ZNF341: variants seen among roughly 807,000 people sequenced by gnomAD.
The protein encoded by ZNF341 is zinc finger protein 341.
ZNF341 carries 52 observed loss-of-function variants against 87.7 expected under a neutral mutation model. That is an observed-to-expected ratio of 0.59 (90% CI 0.47 to 0.75). ZNF341 has a LOEUF of 0.75. Ranked by LOEUF, ZNF341 falls within the 30% of genes least tolerant of loss-of-function variation. ZNF341 has a pLI of 0.00. For missense variants in ZNF341, 977 were observed against 1,145.9 expected (o/e 0.85, Z 2.13); for synonymous variants, 459 against 472.7 (o/e 0.97, Z 0.38).
Position 33,791,361 on chromosome 20 carries a change from C to G in ZNF341, c.2409C>G (p.Ile803Met). The change falls in exon 15 of 15, where the codon ATC becomes ATG. Residue 803 changes from isoleucine (I) to methionine (M), a missense_variant. Transcript: ENST00000375200. ...PFAEPDAVLS[I>M]VVGGAVGAET... ...CAGAGCCGGACGCGGTGCTGTCCAT[C>G]GTTGTGGGTGGTGCGGTGGGCGCGG... 1 of 1,612,546 alleles carries G rather than the reference C, an allele frequency of 6.2e-7. No individual in the cohort carries two copies. The highest frequency in any genetic ancestry group is 8.5e-7 in the Non-Finnish European group (1 of 1,179,526).
At chr20:33,770,027 G>T in intron 9 of ZNF341, 57 bp from the exon 10 acceptor site, 6 of 1,236,206 alleles carry the variant, frequency 4.9e-6, no homozygotes, top group Non-Finnish European at 7.1e-6. Context: ...CAGGCCAGGG[G>T]CTGCAGTGGA....
chr20:33,752,391 G>A, intron 4 of ZNF341: 8 of 629,132 alleles, frequency 1.3e-5, no homozygotes, highest in Non-Finnish European at 2.5e-5. Context: ...TTCATGGCAA[G>A]TTTCCGAATC....
intron 2 of ZNF341, among the ~76,000 whole-genome samples, chr20:33,744,551 G>A (rs151067501): frequency 1.1e-3 from 160 of 152,042 alleles, no homozygotes; most frequent in African/African-American, 3.7e-3. Context: ...TAATTAATTG[G>A]TACCTGGCCA....
Position 33,791,585 on chromosome 20 carries a change from A to G in ZNF341, c.*68A>G, listed in dbSNP as rs1418471539. 2 of 1,446,002 alleles carry G rather than the reference A, an allele frequency of 1.4e-6. No homozygotes were observed. Among genetic ancestry groups the G allele is most frequent in the Middle Eastern group, 2.6e-4 (1 of 3,916 alleles). 89.6% of individuals were successfully genotyped at this position (1,446,002 alleles called of 1,614,324 possible). ...GTTTGGGTCCAGGGCCCCTGGGGGC[A>G]GACCGGTGATCCTTACCAGTGGAAG... On this transcript the variant is annotated 3_prime_UTR_variant, in exon 15 of 15. Transcript: ENST00000375200.
chr20:33,787,231 C>G (rs989854804), intron 12 of ZNF341: 1 of 148,190 alleles, frequency 6.7e-6, no homozygotes, highest in Non-Finnish European at 1.5e-5. Flanking sequence ...TTTTTTCTTT[C>G]TTTTTTTTTT....
intron 10 of ZNF341, among the ~76,000 whole-genome samples, chr20:33,770,575 G>A (rs1344529448): frequency 6.6e-6 from 1 of 152,118 alleles, no homozygotes; most frequent in Non-Finnish European, 1.5e-5. Context: ...GTTCATAGTG[G>A]GAAAAGGTTT....
intron 7 of ZNF341, 113 bp downstream of exon 7, chr20:33,758,919 C>A: frequency 1.1e-6 from 1 of 870,236 alleles, no homozygotes; most frequent in East Asian, 2.6e-5. Flanking sequence ...CCAGGCTGCA[C>A]TTGCATGTTC....
chr20:33,764,186 G>A (rs2019350544), intron 8 of ZNF341, among the ~76,000 whole-genome samples: 4 of 150,772 alleles, frequency 2.7e-5, no homozygotes, highest in South Asian at 2.1e-4. Flanking sequence ...CACCATGCCC[G>A]GCTAATTTTT....
chr20:33,766,955 A>G lies in ZNF341; in HGVS notation c.1327A>G (p.Ser443Gly), dbSNP rs768888049. ...PESKQVVLID[S>G]SYLCQFCPSK... Reference sequence around the variant, plus strand: ...GTCCAAGCAGGTGGTCCTCATCGACAGCTCCTACCTGTGCCAATTCTGCCC... The same window carrying G: ...GTCCAAGCAGGTGGTCCTCATCGACGGCTCCTACCTGTGCCAATTCTGCCC... Residue 443 changes from serine (S) to glycine (G), a missense_variant, in exon 9 of 15, where the codon AGC becomes GGC. Around this residue, in one of 3 missense-constraint regions of ZNF341, gnomAD observed 515 missense variants for 598.2 expected, o/e 0.86. Transcript: ENST00000375200. 6.2e-7 allele frequency: 1 copy of G among 1,614,212 alleles called. No individual in the cohort carries two copies. The highest frequency in any genetic ancestry group is 1.3e-5 in the African/African-American group (1 of 75,058).
At chr20:33,790,820 G>T (rs1431342684) in intron 14 of ZNF341, among the ~76,000 whole-genome samples, 168 bp from the exon 15 acceptor site, 1 of 152,228 alleles carries the variant, frequency 6.6e-6, no homozygotes, top group East Asian at 1.9e-4. Context: ...AGCGAGTGTG[G>T]CTGGCGCAGA....
intron 3 of ZNF341, 105 bp downstream of exon 3, chr20:33,745,404 C>A: frequency 8.5e-7 from 1 of 1,179,908 alleles, no homozygotes; most frequent in Non-Finnish European, 1.2e-6. Flanking sequence ...CAGACCAAGT[C>A]CCTGCCCTTG....
chr20:33,777,097 T>C (rs1045275722), intron 10 of ZNF341, among the ~76,000 whole-genome samples: 1 of 143,228 alleles, frequency 7.0e-6, no homozygotes, highest in Non-Finnish European at 1.5e-5. Context: ...ACAGATTGCT[T>C]GAGCCCAGAA....
chr20:33,785,740 G>A (rs1437778910), intron 12 of ZNF341, among the ~76,000 whole-genome samples: 1 of 152,188 alleles, frequency 6.6e-6, no homozygotes, highest in Non-Finnish European at 1.5e-5. Flanking sequence ...TAGCGGTCTA[G>A]TCTGCATTCT....
intron 12 of ZNF341, chr20:33,787,931 C>T (rs2019902365): frequency 6.6e-6 from 1 of 152,288 alleles, no homozygotes; most frequent in Admixed American, 6.5e-5. Context: ...TCCTTGACTC[C>T]TCTCCTCCTC....
intron 4 of ZNF341, chr20:33,752,338 G>A: frequency 1.6e-6 from 1 of 620,670 alleles, no homozygotes; most frequent in Non-Finnish European, 3.1e-6. Context: ...AGACAGCTTT[G>A]TTGAGGCTGG....
At chr20:33,756,427 C>T (rs1229524045) in intron 5 of ZNF341, among the ~76,000 whole-genome samples, 5 of 150,030 alleles carry the variant, frequency 3.3e-5, no homozygotes, top group African/African-American at 1.2e-4. Flanking sequence ...AGTGCAGTGG[C>T]GCGATCTCGG....
In ZNF341 at chr20:33,732,119, A is replaced by C; in HGVS notation, c.31+67A>C. On this transcript the variant is annotated intron_variant, in intron 1 of 14. Transcript: ENST00000375200. The surrounding 1 kb of genome is among the most constrained non-coding windows in gnomAD (Gnocchi z 4.5). ...GCGCCCCCTCCCGCCGCGCCCTCGCAGCGCCCGGCCTAGGGCGCGCAGCGG... is the reference window on the plus strand; with the variant it reads ...GCGCCCCCTCCCGCCGCGCCCTCGCCGCGCCCGGCCTAGGGCGCGCAGCGG... The C allele has an allele frequency of 9.2e-7, 1 of 1,091,190 alleles. No homozygotes were observed. 67.6% of individuals were successfully genotyped at this position (1,091,190 alleles called of 1,614,324 possible). A position where few individuals can be genotyped will look rare whatever the true frequency, so the allele number is the denominator to read the frequency against.
chr20:33,742,284 C>T (rs574117211), intron 2 of ZNF341, among the ~76,000 whole-genome samples: 1 of 152,242 alleles, frequency 6.6e-6, no homozygotes, highest in South Asian at 2.1e-4. Flanking sequence ...GCAACCTCCG[C>T]CTCCCGGGTT....
intron 1 of ZNF341, among the ~76,000 whole-genome samples, chr20:33,739,276 C>G (rs552630823): frequency 6.6e-6 from 1 of 152,188 alleles, no homozygotes; most frequent in Non-Finnish European, 1.5e-5. Flanking sequence ...CCAGAGATAA[C>G]TGGTCTGATG....
Sources: gnomAD v4.1 joint callset for allele counts (sites outside exome capture counted in the v4.1 genomes callset) on GRCh38, gnomAD v4.1.1 for gene constraint, gnomAD v4.1.1 regional missense constraint, Gnocchi (gnomAD v3.1) non-coding constraint, MANE v1.5 for transcripts, NCBI Gene and HGNC (gene_info 2026-07-23, HGNC 2026-07-21) for gene names.